KCNJ6: variants seen among roughly 807,000 people sequenced by gnomAD.
KCNJ6 encodes G protein-activated inward rectifier potassium channel 2.
A neutral mutation model predicts 34.2 loss-of-function variants in KCNJ6; 9 were observed. That is an observed-to-expected ratio of 0.26 (90% CI 0.16 to 0.46). The LOEUF (loss-of-function observed/expected upper bound fraction) is 0.46. Ranked by LOEUF, KCNJ6 falls within the 20% of genes least tolerant of loss-of-function variation. The pLI is 1.00. For missense variants in KCNJ6, 236 were observed against 531.3 expected (o/e 0.44, Z 5.46); for synonymous variants, 196 against 207.1 (o/e 0.95, Z 0.46).
rs185453661 is a variant in KCNJ6, at chr21:37,680,851, C to T, written c.946+33360G>A. 2.6e-5 allele frequency among the ~76,000 whole-genome samples: 4 copies of T among 152,358 alleles called. No individual in the cohort carries two copies. In the East Asian group the frequency reaches 7.7e-4, roughly 29 times the overall value. On this transcript the variant is annotated intron_variant, in intron 3 of 3. Coordinates refer to ENST00000609713, the MANE Select transcript of KCNJ6 (RefSeq NM_002240.5). ...CAGATGTATATCTCTCTCTTTCTAT[C>T]TCTTCATCCATCCTATTGATTATAT...
At position 37,675,382 on chromosome 21, in the gene KCNJ6, G is replaced by A. The variant is rs955489523; in HGVS notation, c.946+38829C>T. Among the ~76,000 whole-genome samples the A allele has an allele frequency of 5.9e-5, 9 of 152,248 alleles. No individual in the cohort carries two copies. Among genetic ancestry groups the A allele is most frequent in the African/African-American group, 2.2e-4 (9 of 41,474 alleles). On this transcript the variant is annotated intron_variant, in intron 3 of 3. Coordinates refer to ENST00000609713, the MANE Select transcript of KCNJ6 (RefSeq NM_002240.5). The surrounding 1 kb of genome is among the most constrained non-coding windows in gnomAD (Gnocchi z 4.2). ...TTAAGAAACTGCGCCGGGCTGGGCA[G>A]CCGACGCACCGCTAGGTGGCGCACG...
chr21:37,808,600 C>A (rs1307153102), intron 2 of KCNJ6, among the ~76,000 whole-genome samples: 1 of 152,190 alleles, frequency 6.6e-6, no homozygotes, highest in East Asian at 1.9e-4. Context: ...TAATGTTCTG[C>A]TTTAGGCCCT....
intron 3 of KCNJ6, among the ~76,000 whole-genome samples, chr21:37,635,078 A>C (rs542333938): frequency 1.3e-5 from 2 of 152,030 alleles, no homozygotes; most frequent in Non-Finnish European, 2.9e-5. Flanking sequence ...GGTTTTTTTT[A>C]AAGAAAGCAA....
At chr21:37,690,130 T>G (rs1293447913) in intron 3 of KCNJ6, among the ~76,000 whole-genome samples, 2 of 152,228 alleles carry the variant, frequency 1.3e-5, no homozygotes, top group Non-Finnish European at 2.9e-5. Context: ...ATGATATAAT[T>G]ATTTCAAAAT....
chr21:37,692,057 C>T (rs1348643616), intron 3 of KCNJ6, among the ~76,000 whole-genome samples: 1 of 152,052 alleles, frequency 6.6e-6, no homozygotes, highest in Non-Finnish European at 1.5e-5. Flanking sequence ...TATGTGTGTC[C>T]ATTTCCATGG....
chr21:37,769,007 T>C (rs1482946936), intron 2 of KCNJ6, among the ~76,000 whole-genome samples: 2 of 152,166 alleles, frequency 1.3e-5, no homozygotes, highest in African/African-American at 4.8e-5. Context: ...CCTGAGGAAG[T>C]CCAACCTAGG....
At chr21:37,908,284 T>C (rs1359452157) in intron 1 of KCNJ6, among the ~76,000 whole-genome samples, 5 of 152,238 alleles carry the variant, frequency 3.3e-5, no homozygotes, top group Non-Finnish European at 7.3e-5. Context: ...AGCTGTTCTT[T>C]TGCTTCTAGT....
chr21:37,874,052 T>C (rs1233027403), intron 1 of KCNJ6, among the ~76,000 whole-genome samples: 1 of 152,188 alleles, frequency 6.6e-6, no homozygotes, highest in Non-Finnish European at 1.5e-5. Flanking sequence ...TACTTGCTTT[T>C]CCCATTTCCT....
intron 2 of KCNJ6, among the ~76,000 whole-genome samples, chr21:37,739,519 G>T (rs1220510662): frequency 6.6e-6 from 1 of 152,122 alleles, no homozygotes; most frequent in Admixed American, 6.5e-5. Context: ...TATAATAAGG[G>T]GTATTGAACA....
chr21:37,726,737 C>T (rs1280850398), intron 2 of KCNJ6, among the ~76,000 whole-genome samples: 3 of 152,170 alleles, frequency 2.0e-5, no homozygotes, highest in Non-Finnish European at 4.4e-5. Flanking sequence ...TAATATGCTT[C>T]TACCATCTAA....
At chr21:37,767,758 G>A (rs1334842930) in intron 2 of KCNJ6, among the ~76,000 whole-genome samples, 1 of 152,102 alleles carries the variant, frequency 6.6e-6, no homozygotes, top group East Asian at 1.9e-4. Flanking sequence ...AACTACTATG[G>A]GCAAAAGGTT....
chr21:37,663,576 C>A (rs568817893), intron 3 of KCNJ6, among the ~76,000 whole-genome samples: 2 of 152,048 alleles, frequency 1.3e-5, no homozygotes, highest in Non-Finnish European at 2.9e-5. Flanking sequence ...AAATATTAAT[C>A]AAAAAGAACA....
intron 3 of KCNJ6, among the ~76,000 whole-genome samples, chr21:37,664,241 A>T (rs934306832): frequency 6.6e-6 from 1 of 152,160 alleles, no homozygotes; most frequent in Non-Finnish European, 1.5e-5. Flanking sequence ...TACATTAGAA[A>T]AAAAGAAGAA....
At chr21:37,785,045 A>T (rs1208688466) in intron 2 of KCNJ6, among the ~76,000 whole-genome samples, 1 of 152,122 alleles carries the variant, frequency 6.6e-6, no homozygotes, top group Non-Finnish European at 1.5e-5. Flanking sequence ...GAACTAGAGG[A>T]GCAGAGGAGG....
intron 3 of KCNJ6, among the ~76,000 whole-genome samples, chr21:37,665,895 T>A (rs1035485831): frequency 1.3e-5 from 2 of 152,178 alleles, no homozygotes; most frequent in African/African-American, 2.4e-5. Flanking sequence ...GGAGTTGTCA[T>A]AAGGCTTCCT....
At chr21:37,781,290 T>C (rs888951309) in intron 2 of KCNJ6, among the ~76,000 whole-genome samples, 6 of 152,200 alleles carry the variant, frequency 3.9e-5, no homozygotes, top group Admixed American at 2.0e-4. Flanking sequence ...GTGTGACAAA[T>C]ATTTTCGTGT....
chr21:37,789,844 T>C (rs2055208915), intron 2 of KCNJ6, among the ~76,000 whole-genome samples: 2 of 152,204 alleles, frequency 1.3e-5, no homozygotes, highest in Non-Finnish European at 2.9e-5. Flanking sequence ...GTGAGAACTT[T>C]AGGTGTCTTA....
At chr21:37,683,940 G>A (rs2054601595) in intron 3 of KCNJ6, among the ~76,000 whole-genome samples, 1 of 152,204 alleles carries the variant, frequency 6.6e-6, no homozygotes, top group South Asian at 2.1e-4. Context: ...GGTCTGAGAG[G>A]CACAGTGACC....
chr21:37,639,931 G>C (rs1246701982), intron 3 of KCNJ6, among the ~76,000 whole-genome samples: 1 of 152,098 alleles, frequency 6.6e-6, no homozygotes, highest in Admixed American at 6.5e-5. Context: ...AAGTTTCCTG[G>C]GGCTTCCCCA....
Sources: allele counts gnomAD v4.1 joint callset (sites outside exome capture counted in the v4.1 genomes callset), GRCh38; gene constraint gnomAD v4.1.1; non-coding constraint Gnocchi (gnomAD v3.1); transcripts MANE v1.5; gene names NCBI Gene and HGNC (gene_info 2026-07-23, HGNC 2026-07-21).